EVC2: variants seen among roughly 807,000 people sequenced by gnomAD.
EVC2 encodes limbin.
Under a neutral mutation model 149.3 loss-of-function variants are expected in EVC2, and 148 were observed. The ratio of observed to expected loss-of-function variants is 0.99; its 90% CI spans 0.87 to 1.14. The LOEUF is 1.14. EVC2 is among the 50% of genes most tolerant of loss of function. The pLI, the probability that EVC2 is intolerant of heterozygous loss-of-function variation, is 0.00. For synonymous variants in EVC2, 776 were observed against 649.9 expected (o/e 1.19, Z -2.95); for missense variants, 1,854 against 1,627.3 (o/e 1.14, Z -2.40).
chr4:5,687,810 G>A (rs1017221692), intron 5 of EVC2, among the ~76,000 whole-genome samples: 2 of 151,976 alleles, frequency 1.3e-5, no homozygotes, highest in African/African-American at 4.8e-5. Flanking sequence ...AGGACCACGG[G>A]CTGAAGAGGG....
Position 5,689,348 on chromosome 4 carries a change from G to A in EVC2, c.520-5C>T, listed in dbSNP as rs1254924227. The A allele has an allele frequency of 6.2e-7, 1 of 1,613,948 alleles. No homozygotes were observed. The highest frequency in any genetic ancestry group is 1.3e-5 in the African/African-American group (1 of 75,008). ...TGCTTCACTCGACCCAGACACCTAG[G>A]GCAGAAGGAGAAGGCATGAGGGCAG... On this transcript the variant is annotated splice_region_variant and splice_polypyrimidine_tract_variant and intron_variant, in intron 4 of 21. Transcript: ENST00000344408.
intron 21 of EVC2, among the ~76,000 whole-genome samples, chr4:5,543,542 A>G (rs1043690271): frequency 1.3e-5 from 2 of 152,142 alleles, no homozygotes; most frequent in African/African-American, 2.4e-5. Context: ...GCAAAAATAC[A>G]TTACAAATAA....
intron 7 of EVC2, among the ~76,000 whole-genome samples, chr4:5,672,106 G>T (rs1014505684): frequency 6.6e-6 from 1 of 152,214 alleles, no homozygotes; most frequent in Non-Finnish European, 1.5e-5. Flanking sequence ...GCCACAGTGT[G>T]CCTGGGCTGA....
At chr4:5,590,162 A>C (rs1712655358) in intron 16 of EVC2, among the ~76,000 whole-genome samples, 1 of 152,118 alleles carries the variant, frequency 6.6e-6, no homozygotes. Context: ...GAAGCCGTAA[A>C]GGTGTGGGGG....
At chr4:5,649,174 G>C (rs1211865282) in intron 9 of EVC2, among the ~76,000 whole-genome samples, 1 of 152,210 alleles carries the variant, frequency 6.6e-6, no homozygotes, top group Non-Finnish European at 1.5e-5. Flanking sequence ...GGCAAAGTTA[G>C]CAGGATTCAC....
At position 5,633,995 on chromosome 4, in the gene EVC2, C is replaced by T. The variant is rs770546479; in HGVS notation, c.1471-1963G>A. On this transcript the variant is annotated intron_variant, in intron 10 of 21. Coordinates refer to ENST00000344408, the MANE Select transcript of EVC2 (RefSeq NM_147127.5). This position sits in a 1 kb window ranked among gnomAD's most constrained non-coding sequence, Gnocchi z 4.4. Reference sequence around the variant, plus strand: ...CCAGAAAGACAAGCATTATTTAGAGCCTTCTAAAGAGGTCCAAGGGCCAAC... The same window carrying T: ...CCAGAAAGACAAGCATTATTTAGAGTCTTCTAAAGAGGTCCAAGGGCCAAC... Among the ~76,000 whole-genome samples the T allele has an allele frequency of 2.6e-5, 4 of 152,194 alleles. No individual in the cohort carries two copies. Among genetic ancestry groups the T allele is most frequent in the Admixed American group, 6.5e-5 (1 of 15,280 alleles).
At chr4:5,634,346 G>A (rs186725382) in intron 10 of EVC2, among the ~76,000 whole-genome samples, 79 of 152,292 alleles carry the variant, frequency 5.2e-4, no homozygotes, top group Non-Finnish European at 2.5e-4. Flanking sequence ...CACCGCAGGG[G>A]CATTCCGCTA....
At chr4:5,605,443 C>A (rs1433798379) in intron 16 of EVC2, among the ~76,000 whole-genome samples, 1 of 152,036 alleles carries the variant, frequency 6.6e-6, no homozygotes, top group Non-Finnish European at 1.5e-5. Flanking sequence ...CACCCCAACC[C>A]CCATGTTGTT....
intron 5 of EVC2, 46 bp from the exon 6 acceptor site, chr4:5,685,525 C>G: frequency 6.6e-7 from 1 of 1,525,356 alleles, no homozygotes; most frequent in Non-Finnish European, 9.1e-7. Flanking sequence ...CTTGGCCACG[C>G]CCCCGGCTGC....
intron 2 of EVC2, among the ~76,000 whole-genome samples, chr4:5,695,167 G>T (rs559998360): frequency 6.4e-4 from 98 of 152,144 alleles, no homozygotes; most frequent in African/African-American, 2.3e-3. Context: ...GGCCAACATG[G>T]TGAAACCCCG....
chr4:5,664,555 G>A (rs141052773), intron 8 of EVC2, among the ~76,000 whole-genome samples: 18 of 152,264 alleles, frequency 1.2e-4, no homozygotes, highest in African/African-American at 3.6e-4. Flanking sequence ...TAGATGGGAC[G>A]TTTTTCTTCT....
chr4:5,553,737 G>A (rs760596242), intron 21 of EVC2, among the ~76,000 whole-genome samples: 4 of 152,112 alleles, frequency 2.6e-5, no homozygotes, highest in Non-Finnish European at 5.9e-5. Context: ...GCTGTTAAAA[G>A]AAAAAATAAA....
At chr4:5,697,486 G>A (rs1183123960) in intron 2 of EVC2, 107 bp downstream of exon 2, 1 of 1,122,160 alleles carries the variant, frequency 8.9e-7, no homozygotes, top group South Asian at 1.3e-5. Flanking sequence ...AAGTAGAGAG[G>A]TGCTGGAAGG....
At chr4:5,544,261 AAG>A (rs1164648484) in intron 21 of EVC2, among the ~76,000 whole-genome samples, 2 of 152,176 alleles carry the variant, frequency 1.3e-5, no homozygotes, top group African/African-American at 2.4e-5. Flanking sequence ...AAAAAAAAAA[AAG>A]AGAGAAAATT....
chr4:5,704,513 A>C lies in EVC2; in HGVS notation c.228+3773T>G, dbSNP rs530782622. ...GGCATGCAGATCCACGGTGGAGCTC[A>C]GAGAAGGTCTTGGCTGGAGATGGAA... On this transcript the variant is annotated intron_variant, in intron 1 of 21. Transcript: ENST00000344408. Among the ~76,000 whole-genome samples the C allele has an allele frequency of 3.0e-3, 460 of 152,222 alleles. 3 individuals carry two copies. Among genetic ancestry groups the C allele is most frequent in the African/African-American group, 0.011 (450 of 41,538 alleles).
intron 16 of EVC2, among the ~76,000 whole-genome samples, chr4:5,586,557 C>CT (rs1047361436): frequency 6.6e-6 from 1 of 152,166 alleles, no homozygotes; most frequent in African/African-American, 2.4e-5. Context: ...AGAACAGACT[C>CT]TTTAAGTCTC....
intron 16 of EVC2, among the ~76,000 whole-genome samples, chr4:5,600,913 ACT>A (rs1713922229): frequency 6.6e-6 from 1 of 152,200 alleles, no homozygotes; most frequent in South Asian, 2.1e-4. Context: ...AGGGAAGGAA[ACT>A]CAGGCACATC....
In EVC2 at chr4:5,576,549, G is replaced by A; in HGVS notation, c.3058-95C>T. On this transcript the variant is annotated intron_variant, in intron 17 of 21. Coordinates refer to ENST00000344408, the MANE Select transcript of EVC2 (RefSeq NM_147127.5). This position sits in a 1 kb window ranked among gnomAD's most constrained non-coding sequence, Gnocchi z 4.5. ...CTCCTGGGTGTCTTGCTACAAGTCT[G>A]GCATGACTCTGTCTTGCCTGGTTCC... 6.5e-7 allele frequency: 1 copy of A among 1,532,412 alleles called. No homozygotes were observed. Among genetic ancestry groups the A allele is most frequent in the South Asian group, 1.2e-5 (1 of 83,662 alleles). 94.9% of individuals were successfully genotyped at this position (1,532,412 alleles called of 1,614,324 possible).
chr4:5,598,883 AAAC>A (rs1320069353), intron 16 of EVC2, among the ~76,000 whole-genome samples: 1 of 152,228 alleles, frequency 6.6e-6, no homozygotes. Context: ...GAAAAAAAAC[AAAC>A]AACCCCATCA....
Sources: allele counts gnomAD v4.1 joint callset (sites outside exome capture counted in the v4.1 genomes callset), GRCh38; gene constraint gnomAD v4.1.1; non-coding constraint Gnocchi (gnomAD v3.1); transcripts MANE v1.5; gene names NCBI Gene and HGNC (gene_info 2026-07-23, HGNC 2026-07-21).